The following PBX1 variants were observed in gnomAD, a reference collection of about 807,000 sequenced individuals.
The protein encoded by PBX1 is pre-B-cell leukemia transcription factor 1.
A neutral mutation model predicts 53.4 loss-of-function variants in PBX1; 6 were observed. That is an observed-to-expected ratio of 0.11 (90% CI 0.06 to 0.22). The LOEUF (loss-of-function observed/expected upper bound fraction) is 0.22, where lower values mean the gene tolerates loss of function less well. PBX1 is among the 10% of genes least tolerant of loss of function. PBX1 has a pLI of 1.00. For missense variants in PBX1, 251 were observed against 551.4 expected (o/e 0.46, Z 5.46); for synonymous variants, 204 against 212.3 (o/e 0.96, Z 0.34).
intron 3 of PBX1, among the ~76,000 whole-genome samples, chr1:164,793,985 C>T (rs1185801828): frequency 1.3e-5 from 2 of 151,108 alleles, no homozygotes; most frequent in Non-Finnish European, 2.9e-5. Context: ...AGCAATTCTC[C>T]TGCCTCAGCC....
intron 2 of PBX1, among the ~76,000 whole-genome samples, chr1:164,656,101 T>G (rs780845872): frequency 3.3e-5 from 5 of 152,206 alleles, no homozygotes; most frequent in Admixed American, 3.3e-4. Context: ...ATAAAATGCT[T>G]TCATCTGATT....
chr1:164,673,958 T>C (rs571897940), intron 2 of PBX1, among the ~76,000 whole-genome samples: 1 of 152,260 alleles, frequency 6.6e-6, no homozygotes, highest in South Asian at 2.1e-4. Context: ...GATGGGGCTA[T>C]GAATATCGCT....
intron 2 of PBX1, chr1:164,674,401 T>C (rs1166721820): frequency 6.6e-6 from 1 of 152,216 alleles, no homozygotes; most frequent in Non-Finnish European, 1.5e-5. Context: ...CTCTTTACTT[T>C]TCTTGGCTTG....
intron 2 of PBX1, among the ~76,000 whole-genome samples, chr1:164,858,366 A>G (rs2102439410): frequency 6.6e-6 from 1 of 152,182 alleles, no homozygotes; most frequent in African/African-American, 2.4e-5. Flanking sequence ...TCAAGAGTAG[A>G]TGAACACCTC....
intron 2 of PBX1, among the ~76,000 whole-genome samples, chr1:164,642,394 T>C (rs1659197873): frequency 6.6e-6 from 1 of 152,218 alleles, no homozygotes. Flanking sequence ...ATTTCTCCTT[T>C]TGGTCTCAGA....
chr1:164,828,160 T>C (rs920700145), intron 8 of PBX1, among the ~76,000 whole-genome samples: 3 of 152,360 alleles, frequency 2.0e-5, no homozygotes, highest in African/African-American at 4.8e-5. Context: ...CATTATTTTG[T>C]AGAAACTGCT....
chr1:164,796,012 T>C (rs570107028), intron 3 of PBX1, among the ~76,000 whole-genome samples: 24 of 148,398 alleles, frequency 1.6e-4, no homozygotes, highest in Admixed American at 5.4e-4. Flanking sequence ...AGAAGTCTTT[T>C]GAAGACATTT....
intron 2 of PBX1, among the ~76,000 whole-genome samples, chr1:164,617,059 T>G (rs1657326779): frequency 6.6e-6 from 1 of 152,220 alleles, no homozygotes; most frequent in Non-Finnish European, 1.5e-5. Flanking sequence ...AACTTCATCT[T>G]AAATATTATT....
At position 164,603,929 on chromosome 1, in the gene PBX1, ATTTTTTTTTTTTTT is replaced by A. The variant is rs71583414; in HGVS notation, c.265+40638_265+40651del. Among the ~76,000 whole-genome samples, 158 of 75,750 alleles carry A rather than the reference ATTTTTTTTTTTTTT, an allele frequency of 2.1e-3. 2 individuals carry two copies. Among genetic ancestry groups the A allele is most frequent in the East Asian group, 0.015 (23 of 1,580 alleles). 49.7% of individuals were successfully genotyped at this position (75,750 alleles called of 152,430 possible). The stretch of plus-strand genomic sequence containing the variant: ...GACACTCTGTACATTATGTCATTTC[ATTTTTTTTTTTTTT>A]TTTTTTTTTTTTTTTTTTTAGAGAT... On this transcript the variant is annotated intron_variant, in intron 2 of 8. Coordinates refer to ENST00000420696, the MANE Select transcript of PBX1 (RefSeq NM_002585.4).
In PBX1 at chr1:164,799,789, G is replaced by A; in HGVS notation, c.601G>A (p.Val201Ile). 1.2e-6 allele frequency: 2 copies of A among 1,614,102 alleles called. No homozygotes were observed. The highest frequency in any genetic ancestry group is 1.7e-6 in the Non-Finnish European group (2 of 1,180,002). Reference protein sequence around the residue: ...PISPKEIERMVSIIHRKFSSI... With the variant: ...PISPKEIERMISIIHRKFSSI... ...CTCCCCAAAGGAGATTGAGCGGATG[G>A]TCAGCATCATCCACCGCAAGTTCAG... Residue 201 changes from valine (V) to isoleucine (I), a missense_variant, in exon 4 of 9, where the codon GTC becomes ATC. Transcript: ENST00000420696.
chr1:164,885,856 C>T (rs1220892848), intron 2 of PBX1, among the ~76,000 whole-genome samples: 1 of 152,020 alleles, frequency 6.6e-6, no homozygotes, highest in Non-Finnish European at 1.5e-5. Context: ...TATCCTCTTT[C>T]CTCATTTTAT....
chr1:164,729,777 A>G (rs1028554636), intron 2 of PBX1, among the ~76,000 whole-genome samples: 6 of 152,228 alleles, frequency 3.9e-5, no homozygotes, highest in Non-Finnish European at 8.8e-5. Context: ...TGATCAGTAC[A>G]CTGTACTGCT....
intron 2 of PBX1, among the ~76,000 whole-genome samples, chr1:164,736,645 C>T (rs979942157): frequency 2.0e-5 from 3 of 151,946 alleles, no homozygotes; most frequent in African/African-American, 7.3e-5. Flanking sequence ...GGAAATGCAC[C>T]AAAAGTCAGA....
At chr1:164,819,787 G>A (rs1670058596) in intron 6 of PBX1, 1 of 307,414 alleles carries the variant, frequency 3.3e-6, no homozygotes. Flanking sequence ...AATAGACTAA[G>A]TTGGGAAGAA....
intron 2 of PBX1, chr1:164,769,027 C>G (rs1448769393): frequency 1.3e-5 from 2 of 151,780 alleles, no homozygotes; most frequent in East Asian, 3.9e-4. Context: ...TGCACTCCAG[C>G]CTGGGCAACA....
At chr1:164,571,319 C>T (rs1653836024) in intron 2 of PBX1, among the ~76,000 whole-genome samples, 1 of 152,034 alleles carries the variant, frequency 6.6e-6, no homozygotes, top group South Asian at 2.1e-4. Flanking sequence ...CTAAAAAAAC[C>T]CAGTACTTTT....
At chr1:164,683,049 A>G (rs540450192) in intron 2 of PBX1, 3 of 152,332 alleles carry the variant, frequency 2.0e-5, no homozygotes, top group Admixed American at 1.3e-4. Context: ...AGCCTCCAAG[A>G]GAGTGGTGAT....
chr1:164,607,695 C>T (rs1382787506), intron 2 of PBX1, among the ~76,000 whole-genome samples: 1 of 152,138 alleles, frequency 6.6e-6, no homozygotes, highest in Admixed American at 6.5e-5. Flanking sequence ...AGAGAGCCTA[C>T]ACAGTATAGA....
At chr1:164,783,162 G>A (rs1182470651) in intron 2 of PBX1, among the ~76,000 whole-genome samples, 4 of 152,158 alleles carry the variant, frequency 2.6e-5, no homozygotes, top group African/African-American at 9.7e-5. Context: ...GGGGAGACTA[G>A]GGTTGAAGAC....
Sources: gnomAD v4.1 joint callset for allele counts (sites outside exome capture counted in the v4.1 genomes callset) on GRCh38, gnomAD v4.1.1 for gene constraint, MANE v1.5 for transcripts, NCBI Gene and HGNC (gene_info 2026-07-23, HGNC 2026-07-21) for gene names.